The following IL1RAPL1 variants were observed in gnomAD, a reference collection of about 807,000 sequenced individuals.
The protein encoded by IL1RAPL1 is interleukin 1 receptor accessory protein like 1, also known as interleukin-1 receptor accessory protein-like 1.
IL1RAPL1 carries 3 observed loss-of-function variants against 48.4 expected under a neutral mutation model. The observed-to-expected ratio is 0.06, with a 90% CI of 0.03 to 0.16. The LOEUF (loss-of-function observed/expected upper bound fraction) is 0.16. IL1RAPL1 is among the 10% of genes least tolerant of loss of function. The pLI is 1.00. For missense variants in IL1RAPL1, 349 were observed against 530.6 expected, an observed-to-expected ratio of 0.66 and a Z score of 3.36; for synonymous variants, 185 against 187.7, an observed-to-expected ratio of 0.99 and a Z score of 0.12.
At chrX:29,807,593 C>T (rs1930282647) in intron 6 of IL1RAPL1, among the ~76,000 whole-genome samples, 1 of 74,385 alleles carries the variant, frequency 1.3e-5, no homozygotes. Context: ...CCAGCCTGGG[C>T]GACAGAGCAA....
intron 8 of IL1RAPL1, among the ~76,000 whole-genome samples, chrX:29,924,015 C>T (rs866999259): frequency 2.7e-5 from 3 of 111,896 alleles, no homozygotes; most frequent in Middle Eastern, 4.2e-3. Flanking sequence ...CAACTCTGTT[C>T]TTACTAGCTG....
intron 2 of IL1RAPL1, among the ~76,000 whole-genome samples, chrX:29,149,305 G>T (rs2147497147): frequency 9.0e-6 from 1 of 110,782 alleles, no homozygotes; most frequent in Admixed American, 9.8e-5. Context: ...CCCTCTCAAA[G>T]ATCCGTATCT....
chrX:28,778,632 A>G (rs768162541), intron 1 of IL1RAPL1, among the ~76,000 whole-genome samples: 6 of 111,897 alleles, frequency 5.4e-5, no homozygotes, highest in East Asian at 2.8e-4. Flanking sequence ...ATTCTTCAGC[A>G]CAGTGCACTT....
At chrX:29,633,484 C>T (rs977922976) in intron 5 of IL1RAPL1, among the ~76,000 whole-genome samples, 3 of 109,344 alleles carry the variant, frequency 2.7e-5, no homozygotes, top group East Asian at 2.8e-4. Context: ...CACACACACA[C>T]ACACACACAC....
At chrX:29,801,178 T>A (rs778022950) in intron 6 of IL1RAPL1, among the ~76,000 whole-genome samples, 1 of 109,511 alleles carries the variant, frequency 9.1e-6, no homozygotes, top group African/African-American at 3.3e-5. Context: ...TCTTCATGAT[T>A]GCCCCAAATA....
At chrX:28,665,953 G>A (rs191680973) in intron 1 of IL1RAPL1, among the ~76,000 whole-genome samples, 5 of 112,129 alleles carry the variant, frequency 4.5e-5, no homozygotes, top group East Asian at 2.8e-4. Context: ...GCACGCACGC[G>A]CACTCTGGTG....
In IL1RAPL1 at chrX:29,850,626, A is replaced by C. The variant is rs142284546; in HGVS notation, c.779-66838A>C. Reference sequence around the variant, plus strand: ...GGGTGGCGACTGTGGAAAGCAGGGCAGGAATACATTGCCTTCCAGAAGGAA... The same window carrying C: ...GGGTGGCGACTGTGGAAAGCAGGGCCGGAATACATTGCCTTCCAGAAGGAA... On this transcript the variant is annotated intron_variant, in intron 6 of 10. Transcript: ENST00000378993. 1.8e-3 allele frequency among the ~76,000 whole-genome samples: 208 copies of C among 112,566 alleles called. 1 individual carries two copies. Among genetic ancestry groups the C allele is most frequent in the African/African-American group, 6.3e-3 (194 of 31,038 alleles).
intron 2 of IL1RAPL1, among the ~76,000 whole-genome samples, chrX:28,881,680 C>G (rs1358347): frequency 0.43 from 47,292 of 109,527 alleles, 7,416 homozygotes; most frequent in Middle Eastern, 0.6. Flanking sequence ...TGAAGACATA[C>G]AAACTATAAA....
intron 2 of IL1RAPL1, among the ~76,000 whole-genome samples, chrX:29,237,796 T>C (rs1270808727): frequency 8.9e-6 from 1 of 112,121 alleles, no homozygotes; most frequent in Non-Finnish European, 1.9e-5. Context: ...GGAGGAACTC[T>C]GAAGGAGGTA....
At chrX:29,678,800 A>G (rs1926364951) in intron 6 of IL1RAPL1, among the ~76,000 whole-genome samples, 1 of 111,878 alleles carries the variant, frequency 8.9e-6, no homozygotes, top group Non-Finnish European at 1.9e-5. Flanking sequence ...TTGTTTTCCA[A>G]AATTAATCTG....
At chrX:29,740,122 GAAAAAAA>G (rs1172511347) in intron 6 of IL1RAPL1, among the ~76,000 whole-genome samples, 1 of 52,331 alleles carries the variant, frequency 1.9e-5, no homozygotes, top group Non-Finnish European at 3.7e-5. Flanking sequence ...CAAAAAAACA[GAAAAAAA>G]AAAAAAAAAA....
At chrX:29,081,377 A>G (rs963871053) in intron 2 of IL1RAPL1, among the ~76,000 whole-genome samples, 10 of 109,209 alleles carry the variant, frequency 9.2e-5, no homozygotes, top group Non-Finnish European at 1.9e-4. Context: ...TAATTTTTGT[A>G]TGTTTTGTAG....
chrX:28,957,048 G>C lies in IL1RAPL1; in HGVS notation c.82+167623G>C, dbSNP rs1256425753. 7.2e-5 allele frequency among the ~76,000 whole-genome samples: 8 copies of C among 110,668 alleles called. No individual in the cohort carries two copies. The East Asian group carries it at 1.1e-3, about 16-fold the overall frequency. On this transcript the variant is annotated intron_variant, in intron 2 of 10. Transcript: ENST00000378993. ...CTTCTAGATTTTCTAGTTTATTTGC[G>C]TAGAGGTGTTTGTAGTATTCTCTGA...
At chrX:28,605,161 C>T (rs766038402) in intron 1 of IL1RAPL1, among the ~76,000 whole-genome samples, 4 of 112,283 alleles carry the variant, frequency 3.6e-5, no homozygotes, top group Non-Finnish European at 7.5e-5. Flanking sequence ...CACTCACTCT[C>T]ATGGCTATCA....
At chrX:29,893,105 C>A (rs1932302649) in intron 6 of IL1RAPL1, among the ~76,000 whole-genome samples, 1 of 111,362 alleles carries the variant, frequency 9.0e-6, no homozygotes, top group Non-Finnish European at 1.9e-5. Context: ...GTATGCACAT[C>A]CACCGTTTAC....
intron 3 of IL1RAPL1, among the ~76,000 whole-genome samples, chrX:29,307,964 C>T (rs756725463): frequency 5.1e-4 from 57 of 112,038 alleles, no homozygotes; most frequent in Non-Finnish European, 1.0e-3. Flanking sequence ...ACTGCTTGAT[C>T]ACATTTGATA....
chrX:28,855,919 A>G (rs919858519), intron 2 of IL1RAPL1, among the ~76,000 whole-genome samples: 2 of 111,713 alleles, frequency 1.8e-5, no homozygotes, highest in Non-Finnish European at 3.8e-5. Context: ...AAATTGCAAT[A>G]TAGTCCATAT....
intron 5 of IL1RAPL1, among the ~76,000 whole-genome samples, chrX:29,654,892 AT>A (rs1255306399): frequency 3.6e-5 from 4 of 112,233 alleles, no homozygotes; most frequent in Non-Finnish European, 7.5e-5. Flanking sequence ...CATCTCTAAT[AT>A]TTTATGTAAT....
chrX:29,885,372 G>A (rs1373010365), intron 6 of IL1RAPL1, among the ~76,000 whole-genome samples: 1 of 111,715 alleles, frequency 9.0e-6, no homozygotes, highest in African/African-American at 3.3e-5. Context: ...TTGTCTGTCT[G>A]TCTACCCCTT....
Sources: gnomAD v4.1 joint callset for allele counts (sites outside exome capture counted in the v4.1 genomes callset) on GRCh38, gnomAD v4.1.1 for gene constraint, MANE v1.5 for transcripts, NCBI Gene and HGNC (gene_info 2026-07-23, HGNC 2026-07-21) for gene names.